GABRB3: variants seen among roughly 807,000 people sequenced by gnomAD.
GABRB3 encodes the protein gamma-aminobutyric acid type A receptor subunit beta3.
A neutral mutation model predicts 52.1 loss-of-function variants in GABRB3; 14 were observed. The ratio of observed to expected loss-of-function variants is 0.27; its 90% CI spans 0.18 to 0.42. The LOEUF (loss-of-function observed/expected upper bound fraction) is 0.42, where lower values mean the gene tolerates loss of function less well. Among genes scored for constraint, GABRB3 ranks in the 10% least tolerant of loss-of-function variants. The pLI is 1.00. For missense variants in GABRB3, 307 were observed against 609.1 expected (o/e 0.50, Z 5.22); for synonymous variants, 260 against 232.3 (o/e 1.12, Z -1.08).
At chr15:26,660,873 C>T (rs889482789) in intron 3 of GABRB3, among the ~76,000 whole-genome samples, 1 of 152,210 alleles carries the variant, frequency 6.6e-6, no homozygotes, top group African/African-American at 2.4e-5. Context: ...GGGTCTCGCT[C>T]TGTCGCCCAG....
At chr15:26,580,736 T>A in intron 5 of GABRB3, 1 of 501,438 alleles carries the variant, frequency 2.0e-6, no homozygotes, top group East Asian at 3.9e-5. Flanking sequence ...ACTTCAGAGC[T>A]GACCCAGACA....
At chr15:26,618,053 G>A (rs942199849) in intron 4 of GABRB3, among the ~76,000 whole-genome samples, 1 of 152,146 alleles carries the variant, frequency 6.6e-6, no homozygotes, top group Non-Finnish European at 1.5e-5. Context: ...ATGCTCATGG[G>A]CAGGAAGAAT....
chr15:26,577,667 G>A (rs11636988), intron 6 of GABRB3, among the ~76,000 whole-genome samples: 66,748 of 152,100 alleles, frequency 0.44, 17,763 homozygotes, highest in East Asian at 0.83. Context: ...CGTGCCCCTC[G>A]TAACGACCTG....
intron 3 of GABRB3, among the ~76,000 whole-genome samples, chr15:26,633,095 A>G (rs1892953642): frequency 6.6e-6 from 1 of 152,138 alleles, no homozygotes. Flanking sequence ...AGAATTCCCA[A>G]AATTATCTGG....
chr15:26,687,048 G>A (rs1190007774), intron 3 of GABRB3, among the ~76,000 whole-genome samples: 1 of 152,206 alleles, frequency 6.6e-6, no homozygotes, highest in African/African-American at 2.4e-5. Context: ...TGGCGAGCTG[G>A]CTCTGGGACC....
At chr15:26,746,705 T>C (rs966645454) in intron 3 of GABRB3, among the ~76,000 whole-genome samples, 2 of 151,838 alleles carry the variant, frequency 1.3e-5, no homozygotes, top group Non-Finnish European at 2.9e-5. Context: ...ATCAGCTGGG[T>C]GGCCAGGCAC....
chr15:26,662,764 G>A (rs537999975), intron 3 of GABRB3, among the ~76,000 whole-genome samples: 1 of 152,206 alleles, frequency 6.6e-6, no homozygotes, highest in South Asian at 2.1e-4. Flanking sequence ...AAGAAAGGAA[G>A]ACACAGTCAC....
At chr15:26,678,737 A>C (rs139018449) in intron 3 of GABRB3, among the ~76,000 whole-genome samples, 81 of 152,294 alleles carry the variant, frequency 5.3e-4, no homozygotes, top group Middle Eastern at 6.8e-3. Context: ...TCTGAAGGAC[A>C]GCCAGGTATA....
At chr15:26,767,350 T>C (rs1891025684) in intron 3 of GABRB3, 1 of 152,248 alleles carries the variant, frequency 6.6e-6, no homozygotes, top group Admixed American at 6.5e-5. Flanking sequence ...GCAATTCATA[T>C]GCAAACTCTG....
At chr15:26,601,332 C>T (rs1566767691) in intron 4 of GABRB3, among the ~76,000 whole-genome samples, 1 of 151,948 alleles carries the variant, frequency 6.6e-6, no homozygotes. Context: ...ATTGCTTGAA[C>T]CCGGGAGGCA....
rs139104354 is a variant in GABRB3, at chr15:26,742,217, G to A, written c.240+30185C>T. Reference sequence around the variant, plus strand: ...ACTATCCATGTATCTCTTAGAGTTTGCCTCTTGGGTCCTTCCCAGGACTGG... The same window carrying A: ...ACTATCCATGTATCTCTTAGAGTTTACCTCTTGGGTCCTTCCCAGGACTGG... On this transcript the variant is annotated intron_variant, in intron 3 of 8. Coordinates refer to ENST00000311550, the MANE Select transcript of GABRB3 (RefSeq NM_000814.6). 7.2e-5 allele frequency among the ~76,000 whole-genome samples: 11 copies of A among 152,096 alleles called. 1 individual carries two copies. In the East Asian group the frequency reaches 1.9e-3, roughly 27 times the overall value.
At chr15:26,724,365 C>T (rs965679995) in intron 3 of GABRB3, among the ~76,000 whole-genome samples, 40 of 152,108 alleles carry the variant, frequency 2.6e-4, no homozygotes, top group African/African-American at 9.7e-4. Flanking sequence ...GAGTTCTTGG[C>T]CATTATGGGA....
intron 3 of GABRB3, among the ~76,000 whole-genome samples, chr15:26,753,268 G>C (rs1339957926): frequency 1.3e-5 from 2 of 152,190 alleles, no homozygotes; most frequent in South Asian, 4.1e-4. Context: ...AGAGCCGTGA[G>C]GGCTACCTAC....
At chr15:26,606,788 C>CGA (rs369220407) in intron 4 of GABRB3, among the ~76,000 whole-genome samples, 37 of 115,204 alleles carry the variant, frequency 3.2e-4, no homozygotes, top group Non-Finnish European at 2.3e-4. Context: ...ATAGATATAT[C>CGA]TATAGATAGA....
Position 26,628,997 on chromosome 15 carries a change from C to T in GABRB3, c.241-7463G>A, listed in dbSNP as rs937721622. The T allele has an allele frequency of 3.9e-5, 60 of 1,536,036 alleles. No homozygotes were observed. In the East Asian group the frequency reaches 1.4e-3, roughly 37 times the overall value. On this transcript the variant is annotated intron_variant, in intron 3 of 8. Transcript: ENST00000311550. ...TTTACCTCTTCTGTCTGGTAGGTGG[C>T]CCACATGGGGACACGAGGGAGTCTC...
At chr15:26,719,076 C>A (rs983228811) in intron 3 of GABRB3, among the ~76,000 whole-genome samples, 5 of 152,270 alleles carry the variant, frequency 3.3e-5, no homozygotes, top group African/African-American at 1.2e-4. Flanking sequence ...TGCCTGCATG[C>A]ACCACACTGA....
chr15:26,549,508 G>A (rs1217223101), intron 8 of GABRB3, among the ~76,000 whole-genome samples: 1 of 152,270 alleles, frequency 6.6e-6, no homozygotes, highest in Admixed American at 6.5e-5. Context: ...GTGGTCATCA[G>A]GGTAATGGCC....
intron 3 of GABRB3, among the ~76,000 whole-genome samples, chr15:26,770,996 T>TAAG (rs1200276109): frequency 1.3e-5 from 2 of 152,246 alleles, no homozygotes; most frequent in East Asian, 3.8e-4. Context: ...ACAAATGTCC[T>TAAG]AAGTGATATA....
At chr15:26,552,315 T>G (rs558987731) in intron 8 of GABRB3, among the ~76,000 whole-genome samples, 1 of 152,330 alleles carries the variant, frequency 6.6e-6, no homozygotes, top group Admixed American at 6.5e-5. Context: ...CCTTCTGTTA[T>G]GCATCTGTCC....
Sources: allele counts gnomAD v4.1 joint callset (sites outside exome capture counted in the v4.1 genomes callset), GRCh38; gene constraint gnomAD v4.1.1; transcripts MANE v1.5; gene names NCBI Gene and HGNC (gene_info 2026-07-23, HGNC 2026-07-21).